Variants in TNFAIP8L3 observed in about 807,000 individuals in gnomAD.
The protein encoded by TNFAIP8L3 is tumor necrosis factor alpha-induced protein 8-like protein 3.
In TNFAIP8L3, 7 loss-of-function variants were observed where a neutral mutation model predicts 11.8. That is an observed-to-expected ratio of 0.59 (90% CI 0.34 to 1.11). The LOEUF is 1.11. Ranked by LOEUF, TNFAIP8L3 falls within the 50% of genes most tolerant of loss-of-function variation. The pLI is 0.03. For missense variants in TNFAIP8L3, 219 were observed against 258.6 expected, an observed-to-expected ratio of 0.85 and a Z score of 1.05; for synonymous variants, 98 against 103.8, an observed-to-expected ratio of 0.94 and a Z score of 0.34.
chr15:51,086,999 C>T (rs73408568), intron 1 of TNFAIP8L3, among the ~76,000 whole-genome samples: 31,852 of 151,892 alleles, frequency 0.21, 3,470 homozygotes, highest in East Asian at 0.4. Context: ...AGCAATTCTC[C>T]TGCCTCAGCC....
intron 1 of TNFAIP8L3, among the ~76,000 whole-genome samples, chr15:51,080,784 C>T (rs1349745865): frequency 1.1e-4 from 16 of 152,228 alleles, no homozygotes; most frequent in Admixed American, 1.0e-3. Flanking sequence ...CAGATTTGGC[C>T]TGGGGGCCTC....
upstream of TNFAIP8L3, among the ~76,000 whole-genome samples, chr15:51,097,864 A>G (rs552075398): frequency 6.1e-5 from 9 of 146,892 alleles, no homozygotes; most frequent in East Asian, 4.2e-4. Context: ...TGGGGGGGGA[A>G]AAACTCTTAA....
At chr15:51,067,066 T>A (rs188173343) in intron 1 of TNFAIP8L3, among the ~76,000 whole-genome samples, 1 of 152,194 alleles carries the variant, frequency 6.6e-6, no homozygotes, top group Non-Finnish European at 1.5e-5. Context: ...GGAGAAATGA[T>A]CAAAGCTTAG....
intron 1 of TNFAIP8L3, among the ~76,000 whole-genome samples, chr15:51,058,872 C>G (rs996293491): frequency 6.6e-6 from 1 of 152,224 alleles, no homozygotes; most frequent in African/African-American, 2.4e-5. Context: ...CATTGTCAAC[C>G]CCATTCCCAG....
intron 1 of TNFAIP8L3, among the ~76,000 whole-genome samples, chr15:51,059,478 A>G (rs1043399136): frequency 2.0e-5 from 3 of 152,222 alleles, no homozygotes; most frequent in Non-Finnish European, 1.5e-5. Context: ...GAAATACTCT[A>G]CAAGGCCACC....
chr15:51,071,898 T>C, intron 1 of TNFAIP8L3, among the ~76,000 whole-genome samples: 1 of 152,250 alleles, frequency 6.6e-6, no homozygotes, highest in Non-Finnish European at 1.5e-5. Flanking sequence ...TGTTTTAATA[T>C]GCATGTTCCT....
At chr15:51,067,412 A>G (rs915034724) in intron 1 of TNFAIP8L3, among the ~76,000 whole-genome samples, 2 of 150,740 alleles carry the variant, frequency 1.3e-5, no homozygotes, top group African/African-American at 5.0e-5. Context: ...TGTGGGACTC[A>G]TGGGGGACAC....
intron 1 of TNFAIP8L3, among the ~76,000 whole-genome samples, chr15:51,081,372 T>C (rs576399810): frequency 1.3e-5 from 2 of 152,246 alleles, no homozygotes; most frequent in Admixed American, 1.3e-4. Context: ...TCTTTGAGCT[T>C]AAAAGAGGCT....
At chr15:51,089,500 CCT>C (rs1286509170) in intron 1 of TNFAIP8L3, among the ~76,000 whole-genome samples, 1 of 152,274 alleles carries the variant, frequency 6.6e-6, no homozygotes, top group East Asian at 1.9e-4. Context: ...GTAGACATAC[CCT>C]GTCTCCTCAT....
chr15:51,063,280 G>A (rs1386210317), intron 1 of TNFAIP8L3, among the ~76,000 whole-genome samples: 1 of 152,182 alleles, frequency 6.6e-6, no homozygotes, highest in South Asian at 2.1e-4. Context: ...TTTGATTAGG[G>A]AACTATTTTT....
chr15:51,085,872 T>G (rs2065424060), intron 1 of TNFAIP8L3, among the ~76,000 whole-genome samples: 1 of 152,214 alleles, frequency 6.6e-6, no homozygotes, highest in Admixed American at 6.5e-5. Context: ...TAGGGCTCAA[T>G]CTAATTTTCT....
chr15:51,072,641 G>A (rs1241618438), intron 1 of TNFAIP8L3, among the ~76,000 whole-genome samples: 1 of 151,956 alleles, frequency 6.6e-6, no homozygotes, highest in Admixed American at 6.6e-5. Flanking sequence ...GCATGAGGTT[G>A]GGAATCTTTT....
At position 51,057,573 on chromosome 15, in the gene TNFAIP8L3, T is replaced by C. The variant is rs1377041540; in HGVS notation, c.*308A>G. 2.0e-5 allele frequency: 5 copies of C among 244,718 alleles called. No homozygotes were observed. The highest frequency in any genetic ancestry group is 4.0e-5 in the Non-Finnish European group (5 of 126,484). The allele number at this position is 244,718 out of a possible 1,614,324, so 15.2% of individuals were successfully genotyped here. On this transcript the variant is annotated 3_prime_UTR_variant, in exon 2 of 2. Transcript: ENST00000637513. ...AATCCATGTCCTCTGTCTCCTGGTT[T>C]AGTGCTCCTCCCACTCCATGAGATG...
upstream of TNFAIP8L3, among the ~76,000 whole-genome samples, chr15:51,095,210 G>A (rs955279313): frequency 9.2e-5 from 13 of 141,662 alleles, no homozygotes; most frequent in South Asian, 4.5e-4. Flanking sequence ...CTAGGAAGAT[G>A]AGGGAAGGGG....
At chr15:51,067,024 CA>C (rs984693279) in intron 1 of TNFAIP8L3, among the ~76,000 whole-genome samples, 2 of 150,520 alleles carry the variant, frequency 1.3e-5, no homozygotes, top group African/African-American at 2.4e-5. Context: ...TAGAGACAAA[CA>C]AAAAAAAACC....
Position 51,104,373 on chromosome 15 carries a change from G to A in TNFAIP8L3, c.172+632C>T, listed in dbSNP as rs576958605. On this transcript the variant is annotated intron_variant, in intron 1 of 2. Coordinates refer to the TNFAIP8L3 transcript ENST00000327536. ...GAGCTTTCTCAGCCATCCTAAAGCC[G>A]GCCTCTTTACTATCCTGCTATGCTC... Among the ~76,000 whole-genome samples the A allele has an allele frequency of 8.5e-4, 130 of 152,164 alleles. 2 individuals are homozygous for A. The highest frequency in any genetic ancestry group is 3.0e-3 in the African/African-American group (125 of 41,514).
chr15:51,092,523 G>A (rs530893407), intron 1 of TNFAIP8L3, among the ~76,000 whole-genome samples: 1 of 152,344 alleles, frequency 6.6e-6, no homozygotes, highest in African/African-American at 2.4e-5. Flanking sequence ...TAGCAGAATG[G>A]CTTGTGACAT....
chr15:51,067,413 T>A (rs1372279532), intron 1 of TNFAIP8L3, among the ~76,000 whole-genome samples: 1 of 150,720 alleles, frequency 6.6e-6, no homozygotes, highest in African/African-American at 2.5e-5. Context: ...GTGGGACTCA[T>A]GGGGGACACC....
At chr15:51,095,550 G>A (rs1464121245), upstream of TNFAIP8L3, among the ~76,000 whole-genome samples, 1 of 152,068 alleles carries the variant, frequency 6.6e-6, no homozygotes. Flanking sequence ...GTGCTATTTC[G>A]CGCCCTCGAC....
Sources: gnomAD v4.1 joint callset for allele counts (sites outside exome capture counted in the v4.1 genomes callset) on GRCh38, gnomAD v4.1.1 for gene constraint, MANE v1.5 for transcripts, NCBI Gene and HGNC (gene_info 2026-07-23, HGNC 2026-07-21) for gene names.